Variants in GALNT9 observed in about 807,000 individuals in gnomAD.
GALNT9 encodes the protein polypeptide N-acetylgalactosaminyltransferase 9, also known as GalNAc transferase 9.
In GALNT9, 47 loss-of-function variants were observed where a neutral mutation model predicts 63.1. The ratio of observed to expected loss-of-function variants is 0.75; its 90% CI spans 0.59 to 0.95. The LOEUF (loss-of-function observed/expected upper bound fraction) is 0.95, where lower values mean the gene tolerates loss of function less well. Among genes scored for constraint, GALNT9 ranks in the 40% least tolerant of loss-of-function variants. GALNT9 has a pLI of 0.00. For synonymous variants in GALNT9, 396 were observed against 365.7 expected (o/e 1.08, Z -0.94); for missense variants, 829 against 874.8 (o/e 0.95, Z 0.66).
At chr12:132,202,838 A>C (rs1243451809) in intron 7 of GALNT9, among the ~76,000 whole-genome samples, 1 of 152,148 alleles carries the variant, frequency 6.6e-6, no homozygotes, top group African/African-American at 2.4e-5. Flanking sequence ...GGGCGCTTTG[A>C]GAAAAGCCAG....
At chr12:132,227,903 C>T (rs1877757006) in intron 6 of GALNT9, among the ~76,000 whole-genome samples, 1 of 152,162 alleles carries the variant, frequency 6.6e-6, no homozygotes, top group Non-Finnish European at 1.5e-5. Flanking sequence ...CGTCCCCACA[C>T]CTTCTTGCTC....
intron 6 of GALNT9, among the ~76,000 whole-genome samples, chr12:132,244,151 G>A (rs1259030187): frequency 7.7e-6 from 1 of 129,322 alleles, no homozygotes; most frequent in Non-Finnish European, 1.8e-5. Flanking sequence ...GGCCAAGACA[G>A]CCTGCGGTGC....
At chr12:132,262,670 G>C in intron 2 of GALNT9, 45 bp from the exon 3 acceptor site, 1 of 1,465,560 alleles carries the variant, frequency 6.8e-7, no homozygotes, top group South Asian at 1.4e-5. Context: ...GCAGCATGAG[G>C]GACCCCGGAA....
chr12:132,295,914 G>A lies in GALNT9; in HGVS notation c.239-9484C>T, dbSNP rs112197139. On this transcript the variant is annotated intron_variant, in intron 1 of 10. Transcript: ENST00000328957. Reference sequence around the variant, plus strand: ...GAGCCTCCGAACAGGGAGAGCCTCCGAACAGGGACGGCCTCCGAACAGGGA... The same window carrying A: ...GAGCCTCCGAACAGGGAGAGCCTCCAAACAGGGACGGCCTCCGAACAGGGA... 2.4e-4 allele frequency among the ~76,000 whole-genome samples: 17 copies of A among 71,962 alleles called. 1 individual carries two copies. The highest frequency in any genetic ancestry group is 9.6e-3 in the Middle Eastern group (1 of 104). The allele number at this position is 71,962 out of a possible 152,430, so 47.2% of individuals were successfully genotyped here. A position where few individuals can be genotyped will look rare whatever the true frequency, so the allele number is the denominator to read the frequency against.
At chr12:132,267,831 A>G (rs1879685495) in intron 2 of GALNT9, among the ~76,000 whole-genome samples, 1 of 144,074 alleles carries the variant, frequency 6.9e-6, no homozygotes, top group African/African-American at 2.6e-5. Flanking sequence ...ACATGCAGTC[A>G]CACACATGCA....
chr12:132,272,759 T>C (rs900612997), intron 2 of GALNT9: 2 of 152,262 alleles, frequency 1.3e-5, no homozygotes, highest in Admixed American at 1.3e-4. Flanking sequence ...TGACGATGAA[T>C]GAAGCAATAC....
At position 132,197,865 on chromosome 12, in the gene GALNT9, G is replaced by A. The variant is rs369875518; in HGVS notation, c.1592C>T (p.Thr531Met). 50 of 1,606,908 alleles carry A rather than the reference G, an allele frequency of 3.1e-5. No homozygotes were observed. The highest frequency in any genetic ancestry group is 2.1e-4 in the African/African-American group (16 of 74,910). ...PDSKCLVDDGTGRMPTLKKCE... is the reference protein window; with the variant it reads ...PDSKCLVDDGMGRMPTLKKCE... Reference sequence around the variant, plus strand: ...CTTCTTCAGGGTGGGCATGCGGCCCGTGCCGTCATCCACCAGACACTTGGA... The same window carrying A: ...CTTCTTCAGGGTGGGCATGCGGCCCATGCCGTCATCCACCAGACACTTGGA... Residue 531 changes from threonine to methionine, a missense_variant, in exon 10 of 11, where the codon ACG becomes ATG. Physicochemically the swap from Thr to Met is moderately conservative, Grantham distance 81. Transcript: ENST00000328957.
chr12:132,230,351 C>A (rs1363388616), intron 6 of GALNT9, among the ~76,000 whole-genome samples: 2 of 152,208 alleles, frequency 1.3e-5, no homozygotes, highest in Non-Finnish European at 2.9e-5. Context: ...TCACTTTAAG[C>A]CACTAAATTA....
intron 5 of GALNT9, among the ~76,000 whole-genome samples, chr12:132,249,559 C>T (rs1356764029): frequency 6.6e-6 from 1 of 152,240 alleles, no homozygotes; most frequent in South Asian, 2.1e-4. Context: ...TTTTTAATAG[C>T]AACCTTTGAT....
At position 132,197,848 on chromosome 12, in the gene GALNT9, G is replaced by A. The variant is rs745881486; in HGVS notation, c.1609C>T (p.Leu537=). 2 of 1,606,836 alleles carry A rather than the reference G, an allele frequency of 1.2e-6. No homozygotes were observed. Among genetic ancestry groups the A allele is most frequent in the Non-Finnish European group, 8.5e-7 (1 of 1,177,688 alleles). ...CGCGCCACATCCTCACACTTCTTCA[G>A]GGTGGGCATGCGGCCCGTGCCGTCA... ...VDDGTGRMPT[L]KKCEDVARPT... Residue 537 remains leucine, a synonymous_variant, in exon 10 of 11, where the codon CTG becomes TTG. Transcript: ENST00000328957.
rs544645601 is a variant in GALNT9 at position 132,199,438 on chromosome 12, C to T, written c.1402-169G>A. On this transcript the variant is annotated intron_variant, in intron 8 of 10. Coordinates refer to ENST00000328957, the MANE Select transcript of GALNT9 (RefSeq NM_001122636.2). Reference sequence around the variant, plus strand: ...GGCTGCCTGGGAAGGGGTGGCTGACCGAGTTTGTCACTGATGGAGACATGG... The same window carrying T: ...GGCTGCCTGGGAAGGGGTGGCTGACTGAGTTTGTCACTGATGGAGACATGG... Among the ~76,000 whole-genome samples the T allele has an allele frequency of 3.9e-5, 6 of 152,124 alleles. No homozygotes were observed. The South Asian group carries it at 6.2e-4, about 16-fold the overall frequency.
intron 2 of GALNT9, among the ~76,000 whole-genome samples, chr12:132,262,851 G>A (rs781862594): frequency 3.9e-4 from 60 of 152,022 alleles, no homozygotes; most frequent in South Asian, 2.1e-4. Context: ...TGCACCCTTC[G>A]AGGGTCACTG....
rs1240852312 is a variant in GALNT9 at position 132,252,669 on chromosome 12, G to A, written c.960-4642C>T. ...CGAGGCAGGCGGATCACCTGAGGTCGGGAGTTCGAGACCAGCCTGACCAAC... is the reference window on the plus strand; with the variant it reads ...CGAGGCAGGCGGATCACCTGAGGTCAGGAGTTCGAGACCAGCCTGACCAAC... On this transcript the variant is annotated intron_variant, in intron 5 of 10. Transcript: ENST00000328957. This position sits in a 1 kb window ranked among gnomAD's most constrained non-coding sequence, Gnocchi z 5.2. Among the ~76,000 whole-genome samples, 5 of 152,084 alleles carry A rather than the reference G, an allele frequency of 3.3e-5. No homozygotes were observed. The highest frequency in any genetic ancestry group is 4.2e-4 in the South Asian group (2 of 4,812).
intron 1 of GALNT9, among the ~76,000 whole-genome samples, chr12:132,312,400 G>T (rs1881844945): frequency 6.6e-6 from 1 of 152,208 alleles, no homozygotes; most frequent in Non-Finnish European, 1.5e-5. Context: ...AGCAATAAAT[G>T]CCAACCTGAC....
intron 6 of GALNT9, among the ~76,000 whole-genome samples, chr12:132,218,014 C>T (rs1877289694): frequency 6.6e-6 from 1 of 150,424 alleles, no homozygotes; most frequent in African/African-American, 2.5e-5. Context: ...CCCACCTAGA[C>T]ACCATCTATC....
rs899046262 is a variant in GALNT9, at chr12:132,213,378, A to AC, written c.1078-9689dup. 8.5e-5 allele frequency among the ~76,000 whole-genome samples: 13 copies of AC among 152,292 alleles called. 1 individual carries two copies. Among genetic ancestry groups the AC allele is most frequent in the Admixed American group, 7.2e-4 (11 of 15,298 alleles). ...TCTTAGAATCAATCAATTTCTTCACACACACACATGAAAATGCACCGCAGA... is the reference window on the plus strand; with the variant it reads ...TCTTAGAATCAATCAATTTCTTCACACCACACACATGAAAATGCACCGCAGA... On this transcript the variant is annotated intron_variant, in intron 6 of 10. Transcript: ENST00000328957.
At chr12:132,284,706 C>G (rs549762355) in intron 2 of GALNT9, 1 of 152,274 alleles carries the variant, frequency 6.6e-6, no homozygotes, top group African/African-American at 2.4e-5. Flanking sequence ...ATCAGAGCCT[C>G]GGGAGCTGGG....
chr12:132,215,959 C>A (rs1877169357), intron 6 of GALNT9, among the ~76,000 whole-genome samples: 1 of 152,132 alleles, frequency 6.6e-6, no homozygotes, highest in Non-Finnish European at 1.5e-5. Flanking sequence ...CAGGACTCAG[C>A]CAAAGGACTC....
intron 1 of GALNT9, among the ~76,000 whole-genome samples, chr12:132,295,703 G>A (rs896124750): frequency 1.3e-5 from 2 of 152,374 alleles, no homozygotes; most frequent in South Asian, 2.1e-4. Flanking sequence ...AGCCAGCACC[G>A]TGATTCTGGA....
Sources: gnomAD v4.1 joint callset for allele counts (sites outside exome capture counted in the v4.1 genomes callset) on GRCh38, gnomAD v4.1.1 for gene constraint, Gnocchi (gnomAD v3.1) non-coding constraint, MANE v1.5 for transcripts, NCBI Gene and HGNC (gene_info 2026-07-23, HGNC 2026-07-21) for gene names.